Variants in CPVL observed in about 807,000 individuals in gnomAD.
CPVL encodes carboxypeptidase vitellogenic like.
In CPVL, 51 loss-of-function variants were observed where a neutral mutation model predicts 63.7. The ratio of observed to expected loss-of-function variants is 0.80; its 90% confidence interval spans 0.64 to 1.01. The LOEUF (loss-of-function observed/expected upper bound fraction) is 1.01. CPVL is among the 50% of genes least tolerant of loss of function. The pLI is 0.00. For synonymous variants in CPVL, 195 were observed against 206.0 expected (o/e 0.95, Z 0.46); for missense variants, 530 against 573.1 (o/e 0.92, Z 0.77).
In CPVL at chr7:29,030,576, C is replaced by A. The variant is rs1234478724; in HGVS notation, c.1320+1G>T. 3.7e-6 allele frequency: 6 copies of A among 1,609,764 alleles called. No individual in the cohort carries two copies. Among genetic ancestry groups the A allele is most frequent in the Non-Finnish European group, 5.1e-6 (6 of 1,177,988 alleles). ...CTGCCTGCTCCCAAGCATCTTCCTACCTGATGGAAGTCACCCGCTTGCCGG... is the reference window on the plus strand; with the variant it reads ...CTGCCTGCTCCCAAGCATCTTCCTAACTGATGGAAGTCACCCGCTTGCCGG... On this transcript the variant is annotated splice_donor_variant, in intron 12 of 12. Coordinates refer to ENST00000265394, the MANE Select transcript of CPVL (RefSeq NM_031311.5). LOFTEE classifies it high-confidence loss of function.
intron 4 of CPVL, 92 bp downstream of exon 4, chr7:29,096,011 A>T: frequency 1.0e-6 from 1 of 977,394 alleles, no homozygotes; most frequent in Non-Finnish European, 1.7e-6. Context: ...AGCTATTCAT[A>T]GTGGTTCAGT....
Position 29,092,653 on chromosome 7 carries a change from T to G in CPVL, c.512A>C (p.Asn171Thr), listed in dbSNP as rs775653828. 5 of 1,613,998 alleles carry G rather than the reference T, an allele frequency of 3.1e-6. No individual in the cohort carries two copies. The highest frequency in any genetic ancestry group is 2.2e-5 in the East Asian group (1 of 44,880). The change falls in exon 6 of 13, where the codon AAT (asparagine) becomes ACT (threonine). Residue 171 changes from asparagine to threonine, a missense_variant. Coordinates refer to ENST00000265394, the MANE Select transcript of CPVL (RefSeq NM_031311.5). ...TAAATCCCGTGCTACATCGTCCTCA[T>G]TGACTGCATATCCGTGGGTATCATC... ...FTDDTHGYAVNEDDVARDLYS... is the reference protein window; with the variant it reads ...FTDDTHGYAVTEDDVARDLYS...
chr7:29,018,901 CCAGAGATAA>C (rs1786681839), intron 12 of CPVL, among the ~76,000 whole-genome samples: 2 of 151,942 alleles, frequency 1.3e-5, no homozygotes, highest in South Asian at 4.2e-4. Flanking sequence ...CTTCTGGGAC[CCAGAGATAA>C]CACTTGTAAG....
chr7:29,042,382 C>G (rs572725964), intron 11 of CPVL, among the ~76,000 whole-genome samples: 3 of 152,208 alleles, frequency 2.0e-5, no homozygotes, highest in African/African-American at 7.2e-5. Context: ...GTAGGAGGAT[C>G]ACTTGAGGCC....
intron 5 of CPVL, among the ~76,000 whole-genome samples, chr7:29,169,250 A>T (rs1302901163): frequency 6.6e-6 from 1 of 152,206 alleles, no homozygotes; most frequent in Non-Finnish European, 1.5e-5. Flanking sequence ...CTATGCTGAT[A>T]TTACCATTGT....
At chr7:29,080,017 G>A (rs1032783174) in intron 7 of CPVL, among the ~76,000 whole-genome samples, 3 of 152,118 alleles carry the variant, frequency 2.0e-5, no homozygotes, top group Non-Finnish European at 2.9e-5. Flanking sequence ...AGACTGAGGA[G>A]AGGATGGCTG....
At chr7:29,172,492 G>C (rs534907607) in intron 5 of CPVL, among the ~76,000 whole-genome samples, 1 of 152,074 alleles carries the variant, frequency 6.6e-6, no homozygotes, top group Non-Finnish European at 1.5e-5. Context: ...AAATAACCAA[G>C]CCTTCAGATT....
chr7:29,064,487 T>C (rs1237378321), intron 10 of CPVL, among the ~76,000 whole-genome samples: 1 of 152,206 alleles, frequency 6.6e-6, no homozygotes, highest in African/African-American at 2.4e-5. Context: ...GATTTTCCTT[T>C]GCAGAAACTA....
intron 5 of CPVL, among the ~76,000 whole-genome samples, chr7:29,177,355 G>C (rs1797491754): frequency 6.6e-6 from 1 of 152,022 alleles, no homozygotes; most frequent in African/African-American, 2.4e-5. Flanking sequence ...CCGGGTTCAA[G>C]CAATTCTCCT....
Position 29,125,419 on chromosome 7 carries a change from G to A in CPVL, c.-10-4348C>T, listed in dbSNP as rs1789901681. ...TTTTTTTTTTTTTTTTTGAGACAGA[G>A]TCTCGCTCTGTCACCCAGACTGGAG... On this transcript the variant is annotated intron_variant, in intron 1 of 12. Transcript: ENST00000265394. Among the ~76,000 whole-genome samples the A allele has an allele frequency of 5.0e-5, 6 of 119,352 alleles. No individual in the cohort carries two copies. The South Asian group carries it at 1.7e-3, about 34-fold the overall frequency. 78.3% of individuals were successfully genotyped at this position (119,352 alleles called of 152,430 possible). A position where few individuals can be genotyped will look rare whatever the true frequency, so the allele number is the denominator to read the frequency against.
chr7:29,002,072 G>C (rs1784697076), intron 12 of CPVL, among the ~76,000 whole-genome samples: 1 of 152,168 alleles, frequency 6.6e-6, no homozygotes, highest in Admixed American at 6.5e-5. Context: ...TTTCCCTTTG[G>C]GAAATTCACC....
chr7:29,008,877 T>C (rs1228856832), intron 12 of CPVL: 3 of 152,136 alleles, frequency 2.0e-5, no homozygotes, highest in South Asian at 4.1e-4. Context: ...GAGAGGAATT[T>C]TGTGAGAAAA....
At chr7:29,006,634 C>T (rs16874738) in intron 12 of CPVL, among the ~76,000 whole-genome samples, 30,524 of 152,072 alleles carry the variant, frequency 0.2, 3,312 homozygotes, top group East Asian at 0.28. Flanking sequence ...GACAGGGTAT[C>T]TGGATTCAAC....
At chr7:29,155,063 T>A (rs1794156237) in intron 5 of CPVL, among the ~76,000 whole-genome samples, 1 of 152,030 alleles carries the variant, frequency 6.6e-6, no homozygotes. Context: ...TGAGACTTAT[T>A]CACTGTCAGG....
intron 12 of CPVL, among the ~76,000 whole-genome samples, chr7:29,007,566 T>G (rs1583958677): frequency 6.6e-6 from 1 of 152,320 alleles, no homozygotes; most frequent in South Asian, 2.1e-4. Flanking sequence ...ATATTTCTCA[T>G]TTTTTCTCCC....
intron 7 of CPVL, among the ~76,000 whole-genome samples, chr7:29,077,414 T>G (rs936369740): frequency 3.9e-5 from 6 of 152,264 alleles, no homozygotes; most frequent in Admixed American, 2.6e-4. Flanking sequence ...GCTTTTGAAA[T>G]GAGACACAGC....
intron 4 of CPVL, among the ~76,000 whole-genome samples, chr7:29,183,081 CTTTT>C (rs34942216): frequency 2.1e-3 from 281 of 131,860 alleles, no homozygotes; most frequent in Middle Eastern, 8.1e-3. Flanking sequence ...ACATGGCAGA[CTTTT>C]TTTTTTTTTT....
chr7:29,053,163 G>T (rs1790373706), intron 11 of CPVL, among the ~76,000 whole-genome samples: 1 of 152,176 alleles, frequency 6.6e-6, no homozygotes, highest in South Asian at 2.1e-4. Context: ...AACAAGTGCT[G>T]ACAAGGATGT....
At chr7:29,100,850 C>T (rs1787041593) in intron 3 of CPVL, among the ~76,000 whole-genome samples, 1 of 152,160 alleles carries the variant, frequency 6.6e-6, no homozygotes, top group Non-Finnish European at 1.5e-5. Context: ...ATGGGCCAAC[C>T]AACCTGTGAA....
Sources: gnomAD v4.1 joint callset for allele counts (sites outside exome capture counted in the v4.1 genomes callset) on GRCh38, gnomAD v4.1.1 for gene constraint, MANE v1.5 for transcripts, NCBI Gene and HGNC (gene_info 2026-07-23, HGNC 2026-07-21) for gene names.